Variants in TXK observed in about 807,000 individuals in gnomAD.
TXK encodes TXK tyrosine kinase, also known as tyrosine-protein kinase TXK.
In TXK, 60 loss-of-function variants were observed where a neutral mutation model predicts 81.0. That is an observed-to-expected ratio of 0.74 (90% CI 0.60 to 0.92). TXK has a LOEUF of 0.92. Ranked by LOEUF, TXK falls within the 40% of genes least tolerant of loss-of-function variation. TXK has a pLI of 0.00. For missense variants in TXK, 581 were observed against 638.3 expected (o/e 0.91, Z 0.97); for synonymous variants, 203 against 210.7 (o/e 0.96, Z 0.32).
At chr4:48,134,041 C>A (rs1719314628) in intron 1 of TXK, 114 bp downstream of exon 1, 2 of 1,143,188 alleles carry the variant, frequency 1.7e-6, no homozygotes, top group South Asian at 1.6e-5. Context: ...AGGAAATTAT[C>A]TTTTAATGTC....
Position 48,114,347 on chromosome 4 carries a change from C to A in TXK, c.71+1G>T. 6.2e-7 allele frequency: 1 copy of A among 1,613,970 alleles called. No individual in the cohort carries two copies. The highest frequency in any genetic ancestry group is 8.5e-7 in the Non-Finnish European group (1 of 1,179,902). On this transcript the variant is annotated splice_donor_variant, in intron 2 of 14. Coordinates refer to ENST00000264316, the MANE Select transcript of TXK (RefSeq NM_003328.3). LOFTEE classifies it high-confidence loss of function. ...GAAATTGCCCTCGGAAGTAGACTTACCGCTTCTGCACTGAACAGCAACAGC... is the reference window on the plus strand; with the variant it reads ...GAAATTGCCCTCGGAAGTAGACTTAACGCTTCTGCACTGAACAGCAACAGC...
chr4:48,103,974 G>A (rs13123671), intron 6 of TXK, among the ~76,000 whole-genome samples: 47,023 of 150,600 alleles, frequency 0.31, 8,672 homozygotes, highest in Non-Finnish European at 0.41. Flanking sequence ...AGGCCAAGCC[G>A]GGCTGATCAC....
chr4:48,120,161 A>G lies in TXK; in HGVS notation c.17-5759T>C, dbSNP rs28397748. 4.6e-3 allele frequency among the ~76,000 whole-genome samples: 105 copies of G among 22,726 alleles called. 1 individual carries two copies. The highest frequency in any genetic ancestry group is 0.011 in the East Asian group (5 of 458). 14.9% of individuals were successfully genotyped at this position (22,726 alleles called of 152,430 possible). On this transcript the variant is annotated intron_variant, in intron 1 of 14. Coordinates refer to ENST00000264316, the MANE Select transcript of TXK (RefSeq NM_003328.3). ...TGTGTATATATGTATATATGCATATATATGTATATACGTATATGTGTATAT... is the reference window on the plus strand; with the variant it reads ...TGTGTATATATGTATATATGCATATGTATGTATATACGTATATGTGTATAT...
intron 12 of TXK, among the ~76,000 whole-genome samples, chr4:48,074,282 C>G (rs553819415): frequency 6.6e-6 from 1 of 152,254 alleles, no homozygotes; most frequent in South Asian, 2.1e-4. Context: ...CATAATGCTG[C>G]TTCAGTTCAA....
chr4:48,086,460 A>G lies in TXK; in HGVS notation c.956+6T>C. On this transcript the variant is annotated splice_donor_region_variant and intron_variant, in intron 10 of 14. Transcript: ENST00000264316. ...TGATATTTATCAGGGTGTTGTTTAT[A>G]CGTACATCATCACTTTGGCCTCTTC... The G allele has an allele frequency of 6.2e-7, 1 of 1,613,930 alleles. No homozygotes were observed.
At chr4:48,100,514 A>C (rs1319111261) in intron 6 of TXK, among the ~76,000 whole-genome samples, 1 of 152,234 alleles carries the variant, frequency 6.6e-6, no homozygotes, top group Non-Finnish European at 1.5e-5. Flanking sequence ...GAGGTGTCAG[A>C]GAGCAAAGAT....
intron 13 of TXK, 88 bp downstream of exon 13, chr4:48,073,847 T>C: frequency 1.1e-6 from 1 of 879,072 alleles, no homozygotes; most frequent in Non-Finnish European, 1.8e-6. Context: ...TAAAAAATGC[T>C]ATATCAATTA....
chr4:48,117,048 G>C (rs1456482427), intron 1 of TXK, among the ~76,000 whole-genome samples: 1 of 152,120 alleles, frequency 6.6e-6, no homozygotes, highest in East Asian at 1.9e-4. Context: ...ACCACACCCA[G>C]CTAATTTTTT....
At position 48,071,657 on chromosome 4, in the gene TXK, C is replaced by A; in HGVS notation, c.1375G>T (p.Val459Phe). Residue 459 changes from valine (V) to phenylalanine (F), a missense_variant, in exon 14 of 15, where the codon GTT becomes TTT. By Grantham distance (50) the Val-to-Phe change is conservative (BLOSUM62 -1). Transcript: ENST00000264316. ...AAAGGCATTTTTCCTTCTGTAAAAA[C>A]TTCCCACATTAAAACTCCTGCAAAC... ...VWSFGVLMWE[V>F]FTEGKMPFEN... 6.2e-7 allele frequency: 1 copy of A among 1,614,056 alleles called. No individual in the cohort carries two copies.
intron 9 of TXK, among the ~76,000 whole-genome samples, chr4:48,088,117 A>T (rs1717606806): frequency 2.0e-5 from 3 of 152,192 alleles, no homozygotes; most frequent in Admixed American, 2.0e-4. Context: ...ATGAGATACT[A>T]CGACACACCA....
chr4:48,118,466 C>T (rs1322522228), intron 1 of TXK, among the ~76,000 whole-genome samples: 1 of 152,152 alleles, frequency 6.6e-6, no homozygotes, highest in Admixed American at 6.5e-5. Flanking sequence ...TTCATATATG[C>T]CACTTCTGTA....
chr4:48,076,282 C>T (rs1280053678), intron 12 of TXK, 120 bp downstream of exon 12: 2 of 714,326 alleles, frequency 2.8e-6, no homozygotes, highest in Non-Finnish European at 4.3e-6. Flanking sequence ...ACCAGGCCTA[C>T]AACCTAGGAA....
At chr4:48,104,190 G>A (rs1442127459) in intron 6 of TXK, among the ~76,000 whole-genome samples, 1 of 112,300 alleles carries the variant, frequency 8.9e-6, no homozygotes, top group East Asian at 2.3e-4. Context: ...GTGACAGAGC[G>A]AGAGCATGTC....
At chr4:48,080,669 C>CACACACAA (rs1553877385) in intron 10 of TXK, among the ~76,000 whole-genome samples, 1 of 137,798 alleles carries the variant, frequency 7.3e-6, no homozygotes, top group Non-Finnish European at 1.5e-5. Flanking sequence ...TAATCACACA[C>CACACACAA]ACACACACAC....
chr4:48,067,692 C>T lies in TXK; in HGVS notation c.1529G>A (p.Arg510His), dbSNP rs375788286. 10 of 1,613,950 alleles carry T rather than the reference C, an allele frequency of 6.2e-6. No individual in the cohort carries two copies. Among genetic ancestry groups the T allele is most frequent in the Non-Finnish European group, 7.6e-6 (9 of 1,180,008 alleles). ...YSCWHEKPEG[R>H]PTFAELLRAV... is the part of the protein sequence containing the mutation. Reference sequence around the variant, plus strand: ...CCGCAGCAGCTCGGCAAATGTAGGGCGGCCTTCAGGTTTCTGGAAAAGGGA... The same window carrying T: ...CCGCAGCAGCTCGGCAAATGTAGGGTGGCCTTCAGGTTTCTGGAAAAGGGA... The change falls in exon 15 of 15, where the codon CGC becomes CAC. Residue 510 changes from arginine (R) to histidine (H), a missense_variant. Physicochemically the swap from Arg to His is conservative, Grantham distance 29. Coordinates refer to ENST00000264316, the MANE Select transcript of TXK (RefSeq NM_003328.3).
At chr4:48,123,896 C>T (rs1560362867) in intron 1 of TXK, among the ~76,000 whole-genome samples, 1 of 152,172 alleles carries the variant, frequency 6.6e-6, no homozygotes, top group South Asian at 2.1e-4. Context: ...ATTCCTGCTG[C>T]ACCAGCTTCT....
chr4:48,090,509 CT>C (rs1717723459), intron 8 of TXK, among the ~76,000 whole-genome samples: 1 of 152,124 alleles, frequency 6.6e-6, no homozygotes, highest in Non-Finnish European at 1.5e-5. Context: ...TCAAATGTCT[CT>C]TTTTTTCCTT....
At chr4:48,072,399 T>C (rs1716899293) in intron 13 of TXK, among the ~76,000 whole-genome samples, 1 of 152,226 alleles carries the variant, frequency 6.6e-6, no homozygotes, top group Non-Finnish European at 1.5e-5. Flanking sequence ...TATGTGAGCC[T>C]CTGCTGCCTA....
At chr4:48,119,547 T>C (rs1393692449) in intron 1 of TXK, among the ~76,000 whole-genome samples, 2 of 152,136 alleles carry the variant, frequency 1.3e-5, no homozygotes, top group African/African-American at 4.8e-5. Context: ...TCTCTCTTCC[T>C]TTTCTTCCAT....
Sources: allele counts gnomAD v4.1 joint callset (sites outside exome capture counted in the v4.1 genomes callset), GRCh38; gene constraint gnomAD v4.1.1; transcripts MANE v1.5; gene names NCBI Gene and HGNC (gene_info 2026-07-23, HGNC 2026-07-21).